The following SLC6A9 variants were observed in gnomAD, a reference collection of about 807,000 sequenced individuals.
SLC6A9 encodes solute carrier family 6 member 9.
A neutral mutation model predicts 70.9 loss-of-function variants in SLC6A9; 31 were observed. The ratio of observed to expected loss-of-function variants is 0.44; its 90% confidence interval spans 0.33 to 0.59. The LOEUF is 0.59. Among genes scored for constraint, SLC6A9 ranks in the 20% least tolerant of loss-of-function variants. The pLI is 0.04. For synonymous variants in SLC6A9, 310 were observed against 341.3 expected (o/e 0.91, Z 1.01); for missense variants, 631 against 845.2 (o/e 0.75, Z 3.14).
chr1:44,000,282 C>A lies in SLC6A9; in HGVS notation c.1536+485G>T, dbSNP rs2086042469. 3.3e-5 allele frequency among the ~76,000 whole-genome samples: 5 copies of A among 152,256 alleles called. No homozygotes were observed. In the South Asian group the frequency reaches 1.0e-3, roughly 31 times the overall value. On this transcript the variant is annotated intron_variant, in intron 12 of 13. Transcript: ENST00000372310. ...AAAACCTGGAACTCCCCTTCCCAAG[C>A]CACCCACCTCACTGCCTGGAAGGCT...
At chr1:44,030,877 C>T (rs2087100312) in intron 1 of SLC6A9, among the ~76,000 whole-genome samples, 1 of 152,126 alleles carries the variant, frequency 6.6e-6, no homozygotes, top group Non-Finnish European at 1.5e-5. Context: ...TCGACCCCTG[C>T]AGGCCCCCAG....
rs72544125 is a variant in SLC6A9, at chr1:44,017,466, G to A, written c.31-6584C>T. ...ACTCCCCCCACGGAGCTGACCAGAC[G>A]CTGTCTGAGCCCACAGGCCTAGCAC... On this transcript the variant is annotated intron_variant, in intron 2 of 13. Transcript: ENST00000372310. 587 of 750,510 alleles carry A rather than the reference G, an allele frequency of 7.8e-4. 14 individuals are homozygous for A. In the Admixed American group the frequency reaches 0.029, roughly 37 times the overall value. The allele number at this position is 750,510 out of a possible 1,614,324, so 46.5% of individuals were successfully genotyped here. A position where few individuals can be genotyped will look rare whatever the true frequency, so the allele number is the denominator to read the frequency against.
chr1:44,026,816 C>T (rs2086991234), intron 1 of SLC6A9, among the ~76,000 whole-genome samples: 1 of 152,194 alleles, frequency 6.6e-6, no homozygotes, highest in Admixed American at 6.5e-5. Context: ...CTCCTATTAC[C>T]ATCAGAGAGA....
At chr1:44,010,275 A>G (rs1412380724) in intron 3 of SLC6A9, 179 bp from the exon 4 acceptor site, 2 of 595,782 alleles carry the variant, frequency 3.4e-6, no homozygotes, top group Admixed American at 6.1e-5. Flanking sequence ...TTTCAACTTG[A>G]CAGAGGCTCT....
intron 1 of SLC6A9, among the ~76,000 whole-genome samples, chr1:44,026,446 G>T (rs1315424199): frequency 6.6e-6 from 1 of 152,154 alleles, no homozygotes; most frequent in Admixed American, 6.5e-5. Flanking sequence ...ATCACCTGAG[G>T]TCAGGAGTTC....
At chr1:44,026,531 C>T (rs777824175) in intron 1 of SLC6A9, among the ~76,000 whole-genome samples, 1 of 151,954 alleles carries the variant, frequency 6.6e-6, no homozygotes, top group Non-Finnish European at 1.5e-5. Flanking sequence ...TGGTGGTATG[C>T]GCCTGTAGTC....
rs201167747 is a variant in SLC6A9, at chr1:43,997,567, C to T, written c.1880G>A (p.Arg627His). The T allele has an allele frequency of 1.2e-5, 19 of 1,613,348 alleles. No homozygotes were observed. The highest frequency in any genetic ancestry group is 8.9e-5 in the East Asian group (4 of 44,880). Residue 627 changes from arginine (R) to histidine (H), a missense_variant, in exon 14 of 14, where the codon CGC (arginine) becomes CAC (histidine). Transcript: ENST00000372310. The surrounding 1 kb of genome is among the most constrained non-coding windows in gnomAD (Gnocchi z 4.4). ...IPIVGSNGSS[R>H]LQDSRI is the part of the protein sequence containing the mutation. Reference sequence around the variant, plus strand: ...TGCTCATATCCGGGAGTCCTGGAGGCGGCTGGAGCCATTACTGCCCACAAT... The same window carrying T: ...TGCTCATATCCGGGAGTCCTGGAGGTGGCTGGAGCCATTACTGCCCACAAT...
At position 44,000,924 on chromosome 1, in the gene SLC6A9, G is replaced by A. The variant is rs758347031; in HGVS notation, c.1435+32C>T. On this transcript the variant is annotated intron_variant, in intron 11 of 13. Transcript: ENST00000372310. ...GACAGAGTGGGCGGGCCAAGGGCCGGGTCGCGGGAGGCCGGAGGCTCGAGT... is the reference window on the plus strand; with the variant it reads ...GACAGAGTGGGCGGGCCAAGGGCCGAGTCGCGGGAGGCCGGAGGCTCGAGT... 14 of 1,600,892 alleles carry A rather than the reference G, an allele frequency of 8.7e-6. No individual in the cohort carries two copies. In the Admixed American group the frequency reaches 2.4e-4, roughly 27 times the overall value.
rs1571886606 is a variant in SLC6A9 at position 44,011,566 on chromosome 1, C to A, written c.31-684G>T. ...AGGGGCCCTGGGGAGCTGACCTGGG[C>A]CATGGCTAGGGAGTGCTGGGCCATG... is the stretch of plus-strand genomic sequence containing the variant. On this transcript the variant is annotated intron_variant, in intron 2 of 13. Coordinates refer to ENST00000372310, the MANE Select transcript of SLC6A9 (RefSeq NM_001024845.3). The A allele has an allele frequency of 6.2e-7, 1 of 1,613,508 alleles. No individual in the cohort carries two copies. Among genetic ancestry groups the A allele is most frequent in the African/African-American group, 1.3e-5 (1 of 74,862 alleles).
rs566059832 is a variant in SLC6A9, at chr1:44,029,863, T to A, written c.-86+1443A>T. Among the ~76,000 whole-genome samples the A allele has an allele frequency of 6.6e-5, 10 of 152,286 alleles. No individual in the cohort carries two copies. In the East Asian group the frequency reaches 1.9e-3, roughly 29 times the overall value. On this transcript the variant is annotated intron_variant, in intron 1 of 13. Coordinates refer to ENST00000372310, the MANE Select transcript of SLC6A9 (RefSeq NM_001024845.3). ...TAGAACCAGTCCCCTCACCCACTACTCTCCAACCTTCTGATGCTCCCTCAC... is the reference window on the plus strand; with the variant it reads ...TAGAACCAGTCCCCTCACCCACTACACTCCAACCTTCTGATGCTCCCTCAC...
chr1:44,004,386 C>A (rs553363366), intron 5 of SLC6A9, among the ~76,000 whole-genome samples: 1 of 152,238 alleles, frequency 6.6e-6, no homozygotes, highest in Non-Finnish European at 1.5e-5. Flanking sequence ...TGCTCTATAG[C>A]CCAGGCTGGA....
chr1:44,021,048 A>T (rs2086872569), intron 2 of SLC6A9, among the ~76,000 whole-genome samples: 1 of 152,216 alleles, frequency 6.6e-6, no homozygotes, highest in Non-Finnish European at 1.5e-5. Flanking sequence ...TGAGGTGGCC[A>T]GCCTGGGAAA....
chr1:44,017,233 A>G, intron 2 of SLC6A9: 1 of 1,520,054 alleles, frequency 6.6e-7, no homozygotes, highest in South Asian at 1.3e-5. Context: ...CTCCTCCCGA[A>G]GCTCTGCCTA....
rs1398953785 is a variant in SLC6A9, at chr1:44,025,560, G to A, written c.-85-1198C>T. 2.0e-5 allele frequency among the ~76,000 whole-genome samples: 3 copies of A among 151,670 alleles called. No homozygotes were observed. The East Asian group carries it at 5.8e-4, about 29-fold the overall frequency. Reference sequence around the variant, plus strand: ...CACACCTGTAATCCCAGCACTTTAGGAGGCCAAGGCAGGTGGATTACCTGA... The same window carrying A: ...CACACCTGTAATCCCAGCACTTTAGAAGGCCAAGGCAGGTGGATTACCTGA... On this transcript the variant is annotated intron_variant, in intron 1 of 13. Coordinates refer to ENST00000372310, the MANE Select transcript of SLC6A9 (RefSeq NM_001024845.3).
intron 2 of SLC6A9, chr1:44,011,593 G>C: frequency 6.2e-7 from 1 of 1,614,112 alleles, no homozygotes; most frequent in South Asian, 1.1e-5. Context: ...TGGGCCATGA[G>C]TTGGGGAAGG....
intron 1 of SLC6A9, among the ~76,000 whole-genome samples, chr1:44,025,274 G>A (rs2086960905): frequency 8.6e-6 from 1 of 116,804 alleles, no homozygotes; most frequent in Admixed American, 7.8e-5. Flanking sequence ...AGGATCTTGT[G>A]GGAAGCATGA....
chr1:43,997,399 C>A lies in SLC6A9; in HGVS notation c.*146G>T. The A allele has an allele frequency of 1.4e-6, 1 of 695,346 alleles. No individual in the cohort carries two copies. Among genetic ancestry groups the A allele is most frequent in the Admixed American group, 2.4e-5 (1 of 41,392 alleles). The allele number at this position is 695,346 out of a possible 1,614,324, so 43.1% of individuals were successfully genotyped here. On this transcript the variant is annotated 3_prime_UTR_variant, in exon 14 of 14. Transcript: ENST00000372310. This position sits in a 1 kb window ranked among gnomAD's most constrained non-coding sequence, Gnocchi z 4.4. ...ACACTGGGGACATGAGCATGAATGA[C>A]TGCACTAGCAGTGGTGACCAAGGTG...
At position 44,021,601 on chromosome 1, in the gene SLC6A9, G is replaced by A. The variant is rs368235745; in HGVS notation, c.30+2647C>T. 2.6e-5 allele frequency among the ~76,000 whole-genome samples: 4 copies of A among 152,338 alleles called. No individual in the cohort carries two copies. In the East Asian group the frequency reaches 5.8e-4, roughly 22 times the overall value. On this transcript the variant is annotated intron_variant, in intron 2 of 13. Coordinates refer to ENST00000372310, the MANE Select transcript of SLC6A9 (RefSeq NM_001024845.3). ...CAGTGCCTGCTCCATGCATGCCAGG[G>A]CACAAATAGAGCAGCAGAAGCCACG...
chr1:44,011,413 G>T (rs1487561006), intron 2 of SLC6A9: 3 of 697,542 alleles, frequency 4.3e-6, no homozygotes, highest in South Asian at 3.6e-5. Flanking sequence ...GCTTCTTCCT[G>T]GGGGCACAGA....
Sources: allele counts gnomAD v4.1 joint callset (sites outside exome capture counted in the v4.1 genomes callset), GRCh38; gene constraint gnomAD v4.1.1; non-coding constraint Gnocchi (gnomAD v3.1); transcripts MANE v1.5; gene names NCBI Gene and HGNC (gene_info 2026-07-23, HGNC 2026-07-21).